The following SH3PXD2A variants were observed in gnomAD, a reference collection of about 807,000 sequenced individuals.
SH3PXD2A encodes the protein SH3 and PX domain-containing protein 2A.
Under a neutral mutation model 115.2 loss-of-function variants are expected in SH3PXD2A, and 32 were observed. The ratio of observed to expected loss-of-function variants is 0.28; its 90% CI spans 0.21 to 0.37. SH3PXD2A has a LOEUF of 0.37. Ranked by LOEUF, SH3PXD2A falls within the 10% of genes least tolerant of loss-of-function variation. The pLI, the probability that SH3PXD2A is intolerant of heterozygous loss-of-function variation, is 1.00. For missense variants in SH3PXD2A, 1,328 were observed against 1,498.7 expected, an observed-to-expected ratio of 0.89 and a Z score of 1.88; for synonymous variants, 610 against 629.1, an observed-to-expected ratio of 0.97 and a Z score of 0.45.
intron 9 of SH3PXD2A, among the ~76,000 whole-genome samples, chr10:103,626,311 G>A (rs1243447532): frequency 2.0e-5 from 3 of 152,366 alleles, no homozygotes; most frequent in South Asian, 4.1e-4. Flanking sequence ...CCCGAGCACC[G>A]GGTGGTGGCC....
chr10:103,827,688 C>T (rs1166753187), intron 1 of SH3PXD2A, among the ~76,000 whole-genome samples: 5 of 152,182 alleles, frequency 3.3e-5, no homozygotes, highest in African/African-American at 1.2e-4. Flanking sequence ...TCTGCTGGGC[C>T]TGGTGGATTA....
chr10:103,763,607 A>C (rs193295208), intron 3 of SH3PXD2A, among the ~76,000 whole-genome samples: 138 of 152,358 alleles, frequency 9.1e-4, no homozygotes, highest in African/African-American at 3.3e-3. Context: ...GCAAGGAAGC[A>C]GAAGCAGAGC....
At chr10:103,793,706 T>C (rs950913287) in intron 2 of SH3PXD2A, among the ~76,000 whole-genome samples, 12 of 152,232 alleles carry the variant, frequency 7.9e-5, no homozygotes, top group African/African-American at 2.9e-4. Flanking sequence ...TGGTACAAGA[T>C]CATTCTTAGA....
chr10:103,746,201 G>A lies in SH3PXD2A; in HGVS notation c.230-10393C>T, dbSNP rs1403342559. Reference sequence around the variant, plus strand: ...TTTATGGGTGTCTGCTAGTGATAAAGCACCTAGTCCCAGGCCCATGGAGGG... The same window carrying A: ...TTTATGGGTGTCTGCTAGTGATAAAACACCTAGTCCCAGGCCCATGGAGGG... On this transcript the variant is annotated intron_variant, in intron 3 of 14. Coordinates refer to ENST00000369774, the MANE Select transcript of SH3PXD2A (RefSeq NM_001394015.1). The surrounding 1 kb of genome is among the most constrained non-coding windows in gnomAD (Gnocchi z 4.4). The A allele has an allele frequency of 6.6e-6, 1 of 152,364 alleles. No homozygotes were observed. Among genetic ancestry groups the A allele is most frequent in the East Asian group, 1.9e-4 (1 of 5,190 alleles). The allele number at this position is 152,364 out of a possible 1,614,324, so 9.4% of individuals were successfully genotyped here.
At chr10:103,740,776 A>G (rs2038436325) in intron 3 of SH3PXD2A, among the ~76,000 whole-genome samples, 1 of 152,096 alleles carries the variant, frequency 6.6e-6, no homozygotes, top group Non-Finnish European at 1.5e-5. Flanking sequence ...AACGCCATTC[A>G]TTCTTGGAAG....
intron 2 of SH3PXD2A, among the ~76,000 whole-genome samples, chr10:103,785,856 G>C (rs1363344633): frequency 6.6e-6 from 1 of 151,648 alleles, no homozygotes; most frequent in Non-Finnish European, 1.5e-5. Flanking sequence ...GAGACATGCA[G>C]ACGAGACTGG....
chr10:103,666,580 T>G lies in SH3PXD2A; in HGVS notation c.472+2028A>C, dbSNP rs1270121338. Among the ~76,000 whole-genome samples, 1 of 152,224 alleles carries G rather than the reference T, an allele frequency of 6.6e-6. No individual in the cohort carries two copies. Among genetic ancestry groups the G allele is most frequent in the Non-Finnish European group, 1.5e-5 (1 of 68,034 alleles). On this transcript the variant is annotated intron_variant, in intron 7 of 14. Transcript: ENST00000369774. The surrounding 1 kb of genome is among the most constrained non-coding windows in gnomAD (Gnocchi z 4.5). ...AATTCATGATGGAAATGCTTAGAAT[T>G]AGAGTCCAAAGGTCTGAGGTCCAGT... is the stretch of plus-strand genomic sequence containing the variant.
chr10:103,638,629 AT>A (rs938568070), intron 8 of SH3PXD2A, among the ~76,000 whole-genome samples: 3 of 152,214 alleles, frequency 2.0e-5, no homozygotes, highest in Non-Finnish European at 4.4e-5. Context: ...AATTGCCTCA[AT>A]TTTCTCATCT....
At position 103,602,972 on chromosome 10, in the gene SH3PXD2A, C is replaced by T. The variant is rs370188836; in HGVS notation, c.2246G>A (p.Cys749Tyr). Residue 749 changes from cysteine (C) to tyrosine (Y), a missense_variant, in exon 15 of 15, where the codon TGT (cysteine) becomes TAT (tyrosine). By Grantham distance (194) the Cys-to-Tyr change is radical. Transcript: ENST00000369774. ...CCGGACCGATGGCTTGGCCCGGGGA[C>T]AGGAGGTCAGCCCAGCGTTCGCATC... ...DADANAGLTS[C>Y]PRAKPSVRPK... 6.2e-6 allele frequency: 10 copies of T among 1,614,104 alleles called. No individual in the cohort carries two copies. The highest frequency in any genetic ancestry group is 1.6e-4 in the Middle Eastern group (1 of 6,084).
In SH3PXD2A at chr10:103,603,138, T is replaced by C; in HGVS notation, c.2080A>G (p.Ile694Val). ...GAGCAGCAAGTGGTGTTGATGGTGATGGATGAGGAAAAGGAGGCTGAGGAG... is the reference window on the plus strand; with the variant it reads ...GAGCAGCAAGTGGTGTTGATGGTGACGGATGAGGAAAAGGAGGCTGAGGAG... ...NHSSASFSSS[I>V]TINTTCCSSS... Residue 694 changes from isoleucine to valine, a missense_variant, in exon 15 of 15, where the codon ATC (isoleucine) becomes GTC (valine). Physicochemically the swap from Ile to Val is conservative, Grantham distance 29. Around this residue, in one of 5 missense-constraint regions of SH3PXD2A, gnomAD observed 574 missense variants for 565.7 expected, o/e 1.01. Coordinates refer to ENST00000369774, the MANE Select transcript of SH3PXD2A (RefSeq NM_001394015.1). 6.2e-7 allele frequency: 1 copy of C among 1,613,450 alleles called. No homozygotes were observed. The highest frequency in any genetic ancestry group is 8.5e-7 in the Non-Finnish European group (1 of 1,179,936).
chr10:103,799,399 C>T (rs2039126130), intron 2 of SH3PXD2A, among the ~76,000 whole-genome samples: 1 of 152,272 alleles, frequency 6.6e-6, no homozygotes, highest in Non-Finnish European at 1.5e-5. Context: ...CGATTCCAAC[C>T]CCTTCCCAAA....
At chr10:103,630,492 CAG>C (rs1372096581) in intron 8 of SH3PXD2A, among the ~76,000 whole-genome samples, 3 of 152,124 alleles carry the variant, frequency 2.0e-5, no homozygotes, top group South Asian at 2.1e-4. Context: ...CAAAGCCACT[CAG>C]GGGCTTTTTT....
At chr10:103,675,109 G>A (rs974677559) in intron 6 of SH3PXD2A, among the ~76,000 whole-genome samples, 2 of 152,114 alleles carry the variant, frequency 1.3e-5, no homozygotes, top group East Asian at 1.9e-4. Context: ...GGTGAATACT[G>A]TTATTGCAGC....
intron 3 of SH3PXD2A, among the ~76,000 whole-genome samples, chr10:103,752,624 G>C (rs112474213): frequency 4.6e-5 from 7 of 152,328 alleles, no homozygotes; most frequent in African/African-American, 1.7e-4. Flanking sequence ...TTTTAGGAAT[G>C]AATAAGTAAA....
At position 103,820,960 on chromosome 10, in the gene SH3PXD2A, C is replaced by T. The variant is rs80013222; in HGVS notation, c.73-19598G>A. ...ATTCAATCCTAGCTTTGCCTCTTAA[C>T]TGGTGTAAGATCTTGGACAAATCAA... On this transcript the variant is annotated intron_variant, in intron 1 of 14. Coordinates refer to ENST00000369774, the MANE Select transcript of SH3PXD2A (RefSeq NM_001394015.1). Among the ~76,000 whole-genome samples, 829 of 152,284 alleles carry T rather than the reference C, an allele frequency of 5.4e-3. 2 individuals are homozygous for T. The highest frequency in any genetic ancestry group is 0.016 in the African/African-American group (668 of 41,558).
intron 8 of SH3PXD2A, among the ~76,000 whole-genome samples, chr10:103,656,352 T>A (rs537432118): frequency 6.6e-6 from 1 of 152,196 alleles, no homozygotes; most frequent in South Asian, 2.1e-4. Flanking sequence ...ACAATCAGAT[T>A]CAAACTTCGA....
At chr10:103,698,177 G>A (rs1455718653) in intron 5 of SH3PXD2A, among the ~76,000 whole-genome samples, 1 of 152,210 alleles carries the variant, frequency 6.6e-6, no homozygotes, top group Non-Finnish European at 1.5e-5. Flanking sequence ...AGTGAGAGGT[G>A]AAGCCAGGAA....
chr10:103,686,271 T>A (rs1424066675), intron 6 of SH3PXD2A, among the ~76,000 whole-genome samples: 1 of 152,242 alleles, frequency 6.6e-6, no homozygotes, highest in African/African-American at 2.4e-5. Flanking sequence ...ACAGGACTCC[T>A]GGGTTGGATG....
chr10:103,728,677 G>A (rs907729428), intron 4 of SH3PXD2A, among the ~76,000 whole-genome samples: 1 of 152,170 alleles, frequency 6.6e-6, no homozygotes, highest in African/African-American at 2.4e-5. Context: ...AAATCCTGCA[G>A]GAAAGAAACC....
Sources: gnomAD v4.1 joint callset for allele counts (sites outside exome capture counted in the v4.1 genomes callset) on GRCh38, gnomAD v4.1.1 for gene constraint, gnomAD v4.1.1 regional missense constraint, Gnocchi (gnomAD v3.1) non-coding constraint, MANE v1.5 for transcripts, NCBI Gene and HGNC (gene_info 2026-07-23, HGNC 2026-07-21) for gene names.